NFIC: variants seen among roughly 807,000 people sequenced by gnomAD.
NFIC encodes the protein nuclear factor 1 C-type.
In NFIC, 12 loss-of-function variants were observed where a neutral mutation model predicts 54.4. The ratio of observed to expected loss-of-function variants is 0.22; its 90% CI spans 0.14 to 0.36. The LOEUF is 0.36. NFIC is among the 10% of genes least tolerant of loss of function. The pLI is 1.00. For missense variants in NFIC, 575 were observed against 718.2 expected (o/e 0.80, Z 2.28); for synonymous variants, 322 against 319.2 (o/e 1.01, Z -0.09).
At position 3,437,060 on chromosome 19, in the gene NFIC, C is replaced by G. The variant is rs577457187; in HGVS notation, c.958+1853C>G. Among the ~76,000 whole-genome samples the G allele has an allele frequency of 1.3e-5, 2 of 152,166 alleles. 1 individual carries two copies. The highest frequency in any genetic ancestry group is 4.8e-5 in the African/African-American group (2 of 41,520). On this transcript the variant is annotated intron_variant, in intron 6 of 10. Coordinates refer to ENST00000443272, the MANE Select transcript of NFIC (RefSeq NM_001245002.2). ...CGGGAAACGGGAGGTCACTGTCATC[C>G]ACGTCTTTATAACATTCCTGTCTCT... is the stretch of plus-strand genomic sequence containing the variant.
At position 3,370,151 on chromosome 19, in the gene NFIC, C is replaced by A. The variant is rs2080973939; in HGVS notation, c.30+3485C>A. 6.6e-6 allele frequency among the ~76,000 whole-genome samples: 1 copy of A among 152,174 alleles called. No homozygotes were observed. ...GCAGGGGGCCTGCAGCCCCTCAGTG[C>A]CGGGAGAGGGGCTAAGAGTCAGAGA... is the stretch of plus-strand genomic sequence containing the variant. On this transcript the variant is annotated intron_variant, in intron 1 of 10. Coordinates refer to ENST00000443272, the MANE Select transcript of NFIC (RefSeq NM_001245002.2). This position sits in a 1 kb window ranked among gnomAD's most constrained non-coding sequence, Gnocchi z 5.2.
intron 2 of NFIC, among the ~76,000 whole-genome samples, chr19:3,414,934 G>C (rs1214851027): frequency 2.0e-5 from 3 of 151,968 alleles, no homozygotes; most frequent in Non-Finnish European, 4.4e-5. Context: ...CTGCCTCCTG[G>C]GTTCAAGCGA....
intron 1 of NFIC, among the ~76,000 whole-genome samples, chr19:3,367,771 A>T (rs2080923500): frequency 6.6e-6 from 1 of 152,156 alleles, no homozygotes; most frequent in African/African-American, 2.4e-5. Flanking sequence ...ATGGCGGGCA[A>T]ACTGTAAAGT....
In NFIC at chr19:3,467,329, C is replaced by T. The variant is rs1028755342; in HGVS notation, c.*4560C>T. 4 of 151,074 alleles carry T rather than the reference C, an allele frequency of 2.6e-5. No homozygotes were observed. Among genetic ancestry groups the T allele is most frequent in the Non-Finnish European group, 4.4e-5 (3 of 67,858 alleles). 9.4% of individuals were successfully genotyped at this position (151,074 alleles called of 1,614,324 possible). Reference sequence around the variant, plus strand: ...TCCGTGGGGGCACCTGACAATGACCCGGGTGGAGATGGGGCATGGAGGAGT... The same window carrying T: ...TCCGTGGGGGCACCTGACAATGACCTGGGTGGAGATGGGGCATGGAGGAGT... On this transcript the variant is annotated 3_prime_UTR_variant, in exon 11 of 11. Coordinates refer to ENST00000443272, the MANE Select transcript of NFIC (RefSeq NM_001245002.2).
chr19:3,396,686 C>T (rs559717985), intron 2 of NFIC, among the ~76,000 whole-genome samples: 5 of 152,158 alleles, frequency 3.3e-5, no homozygotes, highest in Admixed American at 2.6e-4. Flanking sequence ...CCGAGCACGG[C>T]GGCTCACACC....
At chr19:3,397,753 C>A (rs2081488197) in intron 2 of NFIC, among the ~76,000 whole-genome samples, 1 of 152,234 alleles carries the variant, frequency 6.6e-6, no homozygotes, top group African/African-American at 2.4e-5. Context: ...CATGCCCAGG[C>A]AGCGTGGCTA....
intron 6 of NFIC, among the ~76,000 whole-genome samples, chr19:3,446,457 G>T (rs2082375824): frequency 6.6e-6 from 1 of 152,194 alleles, no homozygotes; most frequent in Non-Finnish European, 1.5e-5. Context: ...GCCCAGGAGG[G>T]CCCCACCCCA....
At chr19:3,371,629 C>T (rs991030864) in intron 1 of NFIC, 6 of 152,188 alleles carry the variant, frequency 3.9e-5, no homozygotes, top group Non-Finnish European at 7.4e-5. Context: ...TACCTTAGTC[C>T]GACACCTGGT....
intron 2 of NFIC, among the ~76,000 whole-genome samples, chr19:3,416,378 A>T (rs917451904): frequency 2.7e-5 from 4 of 150,058 alleles, no homozygotes; most frequent in Non-Finnish European, 4.4e-5. Flanking sequence ...TAGGTATATA[A>T]AATGTACCTA....
At chr19:3,437,722 T>C (rs1456262183) in intron 6 of NFIC, among the ~76,000 whole-genome samples, 1 of 150,644 alleles carries the variant, frequency 6.6e-6, no homozygotes, top group Non-Finnish European at 1.5e-5. Context: ...GGAGTTTCGC[T>C]CTTATCACCC....
chr19:3,416,195 C>T (rs919624769), intron 2 of NFIC, among the ~76,000 whole-genome samples: 2 of 150,786 alleles, frequency 1.3e-5, no homozygotes, highest in Admixed American at 6.7e-5. Flanking sequence ...CCATGATTGC[C>T]CCCCCATAAA....
intron 1 of NFIC, among the ~76,000 whole-genome samples, chr19:3,371,994 T>TCTCC (rs1444377441): frequency 3.0e-5 from 2 of 66,138 alleles, no homozygotes; most frequent in East Asian, 6.0e-4. Flanking sequence ...TCTCCCTCTC[T>TCTCC]CTCCCTCTCT....
intron 2 of NFIC, among the ~76,000 whole-genome samples, chr19:3,418,100 T>C (rs1217888759): frequency 2.4e-4 from 31 of 129,582 alleles, no homozygotes; most frequent in African/African-American, 7.7e-4. Context: ...TTTTCTTTTC[T>C]TTTTTTTTTT....
At chr19:3,379,142 C>G (rs1853490555) in intron 1 of NFIC, among the ~76,000 whole-genome samples, 1 of 152,172 alleles carries the variant, frequency 6.6e-6, no homozygotes, top group Admixed American at 6.6e-5. Flanking sequence ...TCACTGCAAC[C>G]TCCACCTCCC....
chr19:3,451,892 G>A lies in NFIC; in HGVS notation c.1085-590G>A, dbSNP rs146925708. Among the ~76,000 whole-genome samples the A allele has an allele frequency of 5.9e-3, 895 of 151,934 alleles. 7 individuals are homozygous for A. The highest frequency in any genetic ancestry group is 0.02 in the African/African-American group (836 of 41,420). On this transcript the variant is annotated intron_variant, in intron 7 of 10. Coordinates refer to ENST00000443272, the MANE Select transcript of NFIC (RefSeq NM_001245002.2). ...AGCTCTTTGGGAGGCCAAAGTGGGC[G>A]GATCACCTGAGGTCAGGAGTTCAAG...
At chr19:3,455,875 TTAACTGCAAATCTACTCCTACTTC>T (rs2082546746) in intron 9 of NFIC, among the ~76,000 whole-genome samples, 1 of 152,272 alleles carries the variant, frequency 6.6e-6, no homozygotes, top group South Asian at 2.1e-4. Context: ...ACCGGGGCTC[TTAACTGCAAATCTACTCCTACTTC>T]TCCCCATAAG....
At chr19:3,444,430 G>A (rs891470898) in intron 6 of NFIC, among the ~76,000 whole-genome samples, 6 of 152,248 alleles carry the variant, frequency 3.9e-5, no homozygotes, top group Admixed American at 3.9e-4. Flanking sequence ...GGCGGGGGAC[G>A]CACATGCCCG....
chr19:3,433,662 C>T, intron 4 of NFIC, 70 bp downstream of exon 4: 1 of 1,487,844 alleles, frequency 6.7e-7, no homozygotes, highest in Non-Finnish European at 9.3e-7. Flanking sequence ...AAGGAGCCCA[C>T]CCCCCTCACC....
chr19:3,425,022 C>T, intron 2 of NFIC, 84 bp from the exon 3 acceptor site: 2 of 1,443,246 alleles, frequency 1.4e-6, no homozygotes, highest in Non-Finnish European at 1.9e-6. Flanking sequence ...CAGCCCAGGA[C>T]TGGGGCCACC....
Sources: allele counts gnomAD v4.1 joint callset (sites outside exome capture counted in the v4.1 genomes callset), GRCh38; gene constraint gnomAD v4.1.1; non-coding constraint Gnocchi (gnomAD v3.1); transcripts MANE v1.5; gene names NCBI Gene and HGNC (gene_info 2026-07-23, HGNC 2026-07-21).